Variants in TMEM232 observed in about 807,000 individuals in gnomAD.
TMEM232 encodes the protein transmembrane protein 232.
Under a neutral mutation model 78.8 loss-of-function variants are expected in TMEM232, and 80 were observed. The ratio of observed to expected loss-of-function variants is 1.01; its 90% CI spans 0.85 to 1.22. The LOEUF (loss-of-function observed/expected upper bound fraction) is 1.22, where lower values mean the gene tolerates loss of function less well. TMEM232 is among the 50% of genes most tolerant of loss of function. TMEM232 has a pLI of 0.00. For synonymous variants in TMEM232, 297 were observed against 254.3 expected (o/e 1.17, Z -1.60); for missense variants, 881 against 742.2 (o/e 1.19, Z -2.17).
chr5:110,561,439 A>C (rs143199716), intron 11 of TMEM232, among the ~76,000 whole-genome samples: 46 of 152,182 alleles, frequency 3.0e-4, no homozygotes, highest in Non-Finnish European at 6.0e-4. Flanking sequence ...GTTTTATGAG[A>C]ATTAAATAAT....
chr5:110,608,258 T>C (rs1781752931), intron 8 of TMEM232, among the ~76,000 whole-genome samples: 2 of 151,968 alleles, frequency 1.3e-5, no homozygotes, highest in South Asian at 2.1e-4. Flanking sequence ...TGAAATACTC[T>C]ATGTAAAATG....
intron 1 of TMEM232, among the ~76,000 whole-genome samples, chr5:110,737,438 AC>A (rs1224412170): frequency 3.3e-5 from 5 of 152,178 alleles, no homozygotes; most frequent in African/African-American, 9.6e-5. Context: ...GGTTATTTTT[AC>A]AGTTTTTGAT....
chr5:110,522,920 C>G (rs1769762892), intron 12 of TMEM232, among the ~76,000 whole-genome samples: 1 of 152,092 alleles, frequency 6.6e-6, no homozygotes, highest in African/African-American at 2.4e-5. Flanking sequence ...TAAAGCTGGT[C>G]ACTTAAACTA....
intron 10 of TMEM232, among the ~76,000 whole-genome samples, chr5:110,601,782 C>A (rs1174620766): frequency 6.6e-6 from 1 of 151,956 alleles, no homozygotes; most frequent in Non-Finnish European, 1.5e-5. Flanking sequence ...CCTCACAGAA[C>A]TATAAAAAAC....
rs767488617 is a variant in TMEM232 at position 110,638,373 on chromosome 5, T to C, written c.344-18A>G. On this transcript the variant is annotated intron_variant, in intron 4 of 13. Transcript: ENST00000455884. Reference sequence around the variant, plus strand: ...TAAAGATTCTGAAATATTAAAAATATAGAAACTGCATCATTTGAAAATCAT... The same window carrying C: ...TAAAGATTCTGAAATATTAAAAATACAGAAACTGCATCATTTGAAAATCAT... The C allele has an allele frequency of 2.4e-5, 36 of 1,515,586 alleles. 1 individual carries two copies. The South Asian group carries it at 3.0e-4, about 12-fold the overall frequency. 93.9% of individuals were successfully genotyped at this position (1,515,586 alleles called of 1,614,324 possible).
chr5:110,668,695 G>A (rs923533531), intron 1 of TMEM232, among the ~76,000 whole-genome samples: 12 of 152,116 alleles, frequency 7.9e-5, no homozygotes, highest in African/African-American at 2.6e-4. Context: ...GCACCACATC[G>A]CACTTATTCC....
At chr5:110,724,765 T>TA (rs758974171) in intron 1 of TMEM232, among the ~76,000 whole-genome samples, 21 of 152,288 alleles carry the variant, frequency 1.4e-4, no homozygotes, top group Non-Finnish European at 2.6e-4. Flanking sequence ...AAAGGAACTC[T>TA]AAAAAAGAAA....
chr5:110,467,913 T>C (rs554707084), intron 12 of TMEM232, among the ~76,000 whole-genome samples: 4,389 of 152,198 alleles, frequency 0.029, 69 homozygotes, highest in African/African-American at 0.047. Context: ...TCTTCTATAC[T>C]CTTTGGCTTT....
intron 3 of TMEM232, among the ~76,000 whole-genome samples, chr5:110,392,547 C>T (rs889403438): frequency 6.6e-6 from 1 of 152,216 alleles, no homozygotes; most frequent in Non-Finnish European, 1.5e-5. Context: ...CTGACAATTA[C>T]ATTCCTGTGT....
At chr5:110,653,635 C>A (rs1788633680) in intron 2 of TMEM232, among the ~76,000 whole-genome samples, 1 of 152,052 alleles carries the variant, frequency 6.6e-6, no homozygotes, top group Non-Finnish European at 1.5e-5. Context: ...ATCAATAGGG[C>A]ATGATGAATA....
intron 12 of TMEM232, among the ~76,000 whole-genome samples, chr5:110,515,671 C>T (rs989201532): frequency 1.3e-5 from 2 of 152,204 alleles, no homozygotes; most frequent in East Asian, 3.9e-4. Flanking sequence ...CCAGTAAAGC[C>T]TATTCTTAAC....
chr5:110,704,107 A>G (rs1795690943), intron 1 of TMEM232, among the ~76,000 whole-genome samples: 1 of 152,112 alleles, frequency 6.6e-6, no homozygotes, highest in African/African-American at 2.4e-5. Context: ...AAAAAGCTAA[A>G]TTGATAAAAC....
intron 1 of TMEM232, among the ~76,000 whole-genome samples, chr5:110,702,752 T>A (rs904075312): frequency 1.3e-5 from 2 of 152,066 alleles, no homozygotes; most frequent in Non-Finnish European, 2.9e-5. Context: ...ACGGGCAGGC[T>A]ATGCCATTGT....
At chr5:110,726,293 G>A (rs1350926619) in intron 1 of TMEM232, among the ~76,000 whole-genome samples, 1 of 152,150 alleles carries the variant, frequency 6.6e-6, no homozygotes, top group Non-Finnish European at 1.5e-5. Context: ...CCCAGGATAA[G>A]CGAGTCCAGG....
At chr5:110,654,288 A>C (rs2150072193) in intron 2 of TMEM232, among the ~76,000 whole-genome samples, 1 of 152,308 alleles carries the variant, frequency 6.6e-6, no homozygotes, top group East Asian at 1.9e-4. Flanking sequence ...TTTAGGTCTA[A>C]TGTTTAAGTC....
At chr5:110,577,200 A>G (rs1202479238) in intron 10 of TMEM232, among the ~76,000 whole-genome samples, 1 of 152,076 alleles carries the variant, frequency 6.6e-6, no homozygotes, top group Non-Finnish European at 1.5e-5. Context: ...AATCCCATAA[A>G]AAGTAGGCAA....
intron 2 of TMEM232, among the ~76,000 whole-genome samples, chr5:110,410,291 G>A (rs1410328474): frequency 1.3e-5 from 2 of 152,170 alleles, no homozygotes; most frequent in Non-Finnish European, 2.9e-5. Context: ...TTAGCTTAAT[G>A]TATGTTTTAA....
At chr5:110,475,745 T>TC (rs1763182083) in intron 12 of TMEM232, among the ~76,000 whole-genome samples, 1 of 151,486 alleles carries the variant, frequency 6.6e-6, no homozygotes. Context: ...TATCCAGAGT[T>TC]CCCCACTCAG....
At chr5:110,600,421 C>G (rs1251899904) in intron 10 of TMEM232, among the ~76,000 whole-genome samples, 1 of 151,960 alleles carries the variant, frequency 6.6e-6, no homozygotes, top group Non-Finnish European at 1.5e-5. Flanking sequence ...GCTAGCCAGA[C>G]TATTACAGAA....
Sources: allele counts gnomAD v4.1 joint callset (sites outside exome capture counted in the v4.1 genomes callset), GRCh38; gene constraint gnomAD v4.1.1; transcripts MANE v1.5; gene names NCBI Gene and HGNC (gene_info 2026-07-23, HGNC 2026-07-21).